Variants in ABL2 observed in about 807,000 individuals in gnomAD.
The protein encoded by ABL2 is ABL proto-oncogene 2, non-receptor tyrosine kinase.
In ABL2, 49 loss-of-function variants were observed where a neutral mutation model predicts 107.7. The ratio of observed to expected loss-of-function variants is 0.45; its 90% CI spans 0.36 to 0.58. ABL2 has a LOEUF of 0.58. ABL2 is among the 20% of genes least tolerant of loss of function. The pLI, the probability that ABL2 is intolerant of heterozygous loss-of-function variation, is 0.00. For missense variants in ABL2, 1,245 were observed against 1,457.0 expected (o/e 0.85, Z 2.37); for synonymous variants, 549 against 548.6 (o/e 1.00, Z -0.01).
intron 1 of ABL2, among the ~76,000 whole-genome samples, chr1:179,189,002 A>T (rs999702625): frequency 2.6e-5 from 4 of 152,234 alleles, no homozygotes; most frequent in Non-Finnish European, 4.4e-5. Flanking sequence ...AAAATGTAAC[A>T]TGTTAATTTA....
intron 1 of ABL2, among the ~76,000 whole-genome samples, chr1:179,193,349 C>T (rs1044443450): frequency 2.0e-5 from 3 of 151,680 alleles, no homozygotes; most frequent in African/African-American, 7.3e-5. Context: ...CTCAAACCAG[C>T]CCTAAATGTC....
At chr1:179,123,488 G>A (rs1572643009) in intron 4 of ABL2, among the ~76,000 whole-genome samples, 1 of 151,994 alleles carries the variant, frequency 6.6e-6, no homozygotes, top group East Asian at 1.9e-4. Flanking sequence ...GTGGGTGACA[G>A]AGCAAGACTC....
intron 1 of ABL2, among the ~76,000 whole-genome samples, chr1:179,207,303 G>A (rs1329308720): frequency 1.3e-5 from 2 of 152,018 alleles, no homozygotes; most frequent in Non-Finnish European, 2.9e-5. Flanking sequence ...TGAAGTGCTG[G>A]ACGTATCCAA....
intron 1 of ABL2, among the ~76,000 whole-genome samples, chr1:179,171,206 C>T (rs1043671969): frequency 6.6e-6 from 1 of 152,114 alleles, no homozygotes; most frequent in Non-Finnish European, 1.5e-5. Context: ...AACTATTGGC[C>T]GTCTGTGCAA....
At chr1:179,225,320 T>G (rs1387290919) in intron 1 of ABL2, among the ~76,000 whole-genome samples, 2 of 152,220 alleles carry the variant, frequency 1.3e-5, no homozygotes, top group Non-Finnish European at 2.9e-5. Context: ...TGGCTTATAT[T>G]AAAACCTACA....
At chr1:179,110,498 A>G (rs1302839677) in intron 10 of ABL2, 43 bp from the exon 11 acceptor site, 2 of 1,568,254 alleles carry the variant, frequency 1.3e-6, no homozygotes, top group African/African-American at 1.4e-5. Context: ...ACAATTTCAT[A>G]GCAGAAAAAG....
chr1:179,154,928 T>C (rs539594045), intron 1 of ABL2, among the ~76,000 whole-genome samples: 2 of 152,326 alleles, frequency 1.3e-5, no homozygotes, highest in South Asian at 4.1e-4. Flanking sequence ...ACCTTGCACA[T>C]AGCAGCCCCA....
chr1:179,109,742 C>T (rs912930077), intron 11 of ABL2, among the ~76,000 whole-genome samples: 2 of 152,072 alleles, frequency 1.3e-5, no homozygotes, highest in African/African-American at 4.8e-5. Context: ...TCCTGGCTAA[C>T]ACGATGAAAC....
At chr1:179,161,865 G>A (rs549654230) in intron 1 of ABL2, among the ~76,000 whole-genome samples, 2 of 152,086 alleles carry the variant, frequency 1.3e-5, no homozygotes, top group African/African-American at 2.4e-5. Context: ...AGGACATGAC[G>A]GCTCTACCCT....
Position 179,102,807 on chromosome 1 carries a change from T to C in ABL2, c.*4911A>G, listed in dbSNP as rs1028068814. ...AGGCAATTTACTTTTGAGTATTTTA[T>C]AATAGGTGAATTAAATTCAGCTATT... On this transcript the variant is annotated 3_prime_UTR_variant, in exon 12 of 12. Coordinates refer to ENST00000502732, the MANE Select transcript of ABL2 (RefSeq NM_007314.4). 3 of 226,476 alleles carry C rather than the reference T, an allele frequency of 1.3e-5. No homozygotes were observed. Among genetic ancestry groups the C allele is most frequent in the African/African-American group, 6.7e-5 (3 of 44,944 alleles). The allele number at this position is 226,476 out of a possible 1,614,324, so 14.0% of individuals were successfully genotyped here. A position where few individuals can be genotyped will look rare whatever the true frequency, so the allele number is the denominator to read the frequency against.
chr1:179,124,546 A>AC (rs1423735823), intron 4 of ABL2, among the ~76,000 whole-genome samples: 1 of 131,034 alleles, frequency 7.6e-6, no homozygotes, highest in East Asian at 2.3e-4. Context: ...TTGGCTCACT[A>AC]CAACCTCCAC....
intron 1 of ABL2, among the ~76,000 whole-genome samples, chr1:179,186,616 G>C (rs957360103): frequency 3.3e-5 from 5 of 151,076 alleles, no homozygotes; most frequent in Non-Finnish European, 7.4e-5. Flanking sequence ...CCTGACTTCA[G>C]ACACTGTGCC....
Position 179,200,648 on chromosome 1 carries a change from G to A in ABL2, c.157+28593C>T, listed in dbSNP as rs1044491631. Among the ~76,000 whole-genome samples the A allele has an allele frequency of 2.0e-5, 3 of 152,152 alleles. No homozygotes were observed. In the East Asian group the frequency reaches 5.8e-4, roughly 29 times the overall value. ...TGTAGAGATTTTGTATGAACATGGA[G>A]ATTCCAATTATAAACTTATCTGATC... On this transcript the variant is annotated intron_variant, in intron 1 of 11. Coordinates refer to ENST00000502732, the MANE Select transcript of ABL2 (RefSeq NM_007314.4).
chr1:179,135,063 G>A (rs1424429429), intron 1 of ABL2, among the ~76,000 whole-genome samples: 6 of 152,354 alleles, frequency 3.9e-5, no homozygotes, highest in East Asian at 1.9e-4. Flanking sequence ...GTGCAGTGGC[G>A]TGATCTCGGC....
intron 1 of ABL2, among the ~76,000 whole-genome samples, chr1:179,142,459 T>TAA (rs1411168888): frequency 6.6e-6 from 1 of 152,232 alleles, no homozygotes; most frequent in Admixed American, 6.5e-5. Flanking sequence ...TTTCACCAGT[T>TAA]AGTCATTCAG....
Position 179,100,833 on chromosome 1 carries a change from G to A in ABL2, c.*6885C>T, listed in dbSNP as rs1004024704. The stretch of plus-strand genomic sequence containing the variant: ...GTGCCTGGCCTTTCCCCTTCAACAC[G>A]CCAGCTGCTCCCTCAGAGTGAACAG... On this transcript the variant is annotated 3_prime_UTR_variant, in exon 12 of 12. Coordinates refer to ENST00000502732, the MANE Select transcript of ABL2 (RefSeq NM_007314.4). 2.6e-5 allele frequency: 6 copies of A among 232,262 alleles called. No individual in the cohort carries two copies. Among genetic ancestry groups the A allele is most frequent in the Non-Finnish European group, 4.3e-5 (5 of 117,526 alleles). The allele number at this position is 232,262 out of a possible 1,614,324, so 14.4% of individuals were successfully genotyped here.
intron 1 of ABL2, among the ~76,000 whole-genome samples, chr1:179,174,920 A>AAAAAAAAAAAAAAAAAT (rs1659958398): frequency 8.1e-6 from 1 of 122,874 alleles, no homozygotes. Context: ...AAAATAAAAA[A>AAAAAAAAAAAAAAAAAT]AATAATAATA....
intron 1 of ABL2, 62 bp downstream of exon 1, chr1:179,229,179 C>T (rs2124887940): frequency 2.8e-6 from 1 of 359,004 alleles, no homozygotes; most frequent in Non-Finnish European, 5.5e-6. Flanking sequence ...CGCCACCCAC[C>T]CCGCCCCGAC....
At chr1:179,142,154 A>C (rs1003810137) in intron 1 of ABL2, among the ~76,000 whole-genome samples, 3 of 152,238 alleles carry the variant, frequency 2.0e-5, no homozygotes, top group African/African-American at 7.2e-5. Flanking sequence ...TATCAAGTTA[A>C]CTTATCTTCC....
Sources: allele counts gnomAD v4.1 joint callset (sites outside exome capture counted in the v4.1 genomes callset), GRCh38; gene constraint gnomAD v4.1.1; transcripts MANE v1.5; gene names NCBI Gene and HGNC (gene_info 2026-07-23, HGNC 2026-07-21).